Variants in MLPH observed in about 807,000 individuals in gnomAD.
MLPH encodes the protein exophilin-3.
MLPH carries 51 observed loss-of-function variants against 72.1 expected under a neutral mutation model. The ratio of observed to expected loss-of-function variants is 0.71; its 90% CI spans 0.56 to 0.89. The LOEUF (loss-of-function observed/expected upper bound fraction) is 0.89, where lower values mean the gene tolerates loss of function less well. Among genes scored for constraint, MLPH ranks in the 40% least tolerant of loss-of-function variants. The pLI is 0.00. For missense variants in MLPH, 743 were observed against 759.9 expected (o/e 0.98, Z 0.26); for synonymous variants, 301 against 310.1 (o/e 0.97, Z 0.31).
At chr2:237,550,213 C>G (rs991519340) in intron 14 of MLPH, among the ~76,000 whole-genome samples, 17 of 152,162 alleles carry the variant, frequency 1.1e-4, no homozygotes, top group Admixed American at 1.0e-3. Flanking sequence ...TGAAGCCTCT[C>G]CCCCGGGGCT....
chr2:237,546,269 G>A (rs981511788), intron 12 of MLPH: 1 of 382,346 alleles, frequency 2.6e-6, no homozygotes, highest in Non-Finnish European at 5.0e-6. Context: ...TGAGCCTCAG[G>A]GGGATGACTG....
chr2:237,488,841 A>G (rs535364179), intron 1 of MLPH, among the ~76,000 whole-genome samples: 3 of 152,304 alleles, frequency 2.0e-5, no homozygotes, highest in Non-Finnish European at 2.9e-5. Context: ...TTCAACCACA[A>G]TGCAATAACG....
rs776602781 is a variant in MLPH at position 237,511,083 on chromosome 2, G to A, written c.427G>A (p.Gly143Arg). ...GSAKVIRSLH[G>R]RLQGGAGPEL... is the part of the protein sequence containing the mutation. ...TGCCAAGGTCATCCGGTCCCTCCAC[G>A]GGCGGCTGCAGGGTGGAGGTAAGGA... Residue 143 changes from glycine (G) to arginine (R), a missense_variant, in exon 4 of 16, where the codon GGG becomes AGG. Physicochemically the swap from Gly to Arg is moderately radical, Grantham distance 125. Coordinates refer to ENST00000264605, the MANE Select transcript of MLPH (RefSeq NM_024101.7). 3.2e-5 allele frequency: 51 copies of A among 1,613,578 alleles called. No homozygotes were observed. The South Asian group carries it at 4.4e-4, about 14-fold the overall frequency.
intron 9 of MLPH, among the ~76,000 whole-genome samples, chr2:237,536,906 C>T (rs939806161): frequency 6.6e-6 from 1 of 152,308 alleles, no homozygotes; most frequent in East Asian, 1.9e-4. Flanking sequence ...TACCTCCTGG[C>T]TTTGGCCTTT....
Position 237,503,481 on chromosome 2 carries a change from C to G in MLPH, c.111-7093C>G, listed in dbSNP as rs79608392. 2.0e-3 allele frequency among the ~76,000 whole-genome samples: 300 copies of G among 152,276 alleles called. 2 individuals are homozygous for G. Among genetic ancestry groups the G allele is most frequent in the African/African-American group, 6.7e-3 (279 of 41,556 alleles). ...CGACACGCGTTCCCAGGATGAGGAGCCTGGGTCCCCGGTGCTGCTCCTCAG... is the reference window on the plus strand; with the variant it reads ...CGACACGCGTTCCCAGGATGAGGAGGCTGGGTCCCCGGTGCTGCTCCTCAG... On this transcript the variant is annotated intron_variant, in intron 2 of 15. Coordinates refer to ENST00000264605, the MANE Select transcript of MLPH (RefSeq NM_024101.7).
chr2:237,488,217 G>A (rs1213576398), intron 1 of MLPH, among the ~76,000 whole-genome samples: 1 of 152,178 alleles, frequency 6.6e-6, no homozygotes, highest in Non-Finnish European at 1.5e-5. Context: ...CTGAGGGAGT[G>A]AAATGACAGT....
intron 6 of MLPH, among the ~76,000 whole-genome samples, chr2:237,521,659 G>T (rs1210648324): frequency 6.6e-6 from 1 of 152,250 alleles, no homozygotes; most frequent in Non-Finnish European, 1.5e-5. Flanking sequence ...CAGACAGAAT[G>T]TAAAGGTTTG....
chr2:237,528,592 C>T (rs1275958686), intron 8 of MLPH, among the ~76,000 whole-genome samples: 1 of 152,072 alleles, frequency 6.6e-6, no homozygotes, highest in Non-Finnish European at 1.5e-5. Context: ...CTCAGGTGAT[C>T]CCCCCACCTT....
At chr2:237,504,937 C>A (rs1305815345) in intron 2 of MLPH, among the ~76,000 whole-genome samples, 3 of 152,186 alleles carry the variant, frequency 2.0e-5, no homozygotes, top group African/African-American at 7.2e-5. Context: ...TGAGACCCCA[C>A]CCCTTGAGCA....
At chr2:237,551,248 G>C (rs929958969) in intron 14 of MLPH, among the ~76,000 whole-genome samples, 1 of 152,238 alleles carries the variant, frequency 6.6e-6, no homozygotes, top group Non-Finnish European at 1.5e-5. Context: ...GTCCTGGAGC[G>C]GGGACGGAGG....
intron 4 of MLPH, among the ~76,000 whole-genome samples, chr2:237,517,438 G>A (rs548733708): frequency 6.6e-6 from 1 of 151,708 alleles, no homozygotes; most frequent in East Asian, 2.0e-4. Flanking sequence ...TGGATAGGTG[G>A]ATGGATGGAT....
chr2:237,527,639 G>C, intron 8 of MLPH, 123 bp downstream of exon 8: 5 of 1,264,352 alleles, frequency 4.0e-6, no homozygotes, highest in Non-Finnish European at 5.6e-6. Context: ...AATTGCACAA[G>C]CCTACTTAAT....
At chr2:237,507,062 C>CTTTTTTTTTT (rs61091364) in intron 2 of MLPH, among the ~76,000 whole-genome samples, 267 of 94,536 alleles carry the variant, frequency 2.8e-3, no homozygotes, top group Non-Finnish European at 3.6e-3. Context: ...TTTTTTTTTT[C>CTTTTTTTTTT]TTTTTTTTTT....
chr2:237,553,935 G>C lies in MLPH; in HGVS notation c.*343G>C, dbSNP rs1163854758. 2.3e-6 allele frequency: 1 copy of C among 440,884 alleles called. No individual in the cohort carries two copies. Among genetic ancestry groups the C allele is most frequent in the African/African-American group, 2.0e-5 (1 of 50,034 alleles). 27.3% of individuals were successfully genotyped at this position (440,884 alleles called of 1,614,324 possible). A position where few individuals can be genotyped will look rare whatever the true frequency, so the allele number is the denominator to read the frequency against. ...GTGATCTTTTACCCCTTTCACTCTT[G>C]GCTTTCTTATGTTGCTTTCATGAAT... is the stretch of plus-strand genomic sequence containing the variant. On this transcript the variant is annotated 3_prime_UTR_variant, in exon 16 of 16. Transcript: ENST00000264605.
chr2:237,494,180 A>AGG (rs113171314), intron 2 of MLPH, among the ~76,000 whole-genome samples: 11 of 151,612 alleles, frequency 7.3e-5, no homozygotes, highest in African/African-American at 2.7e-4. Flanking sequence ...CTCCCGGCGA[A>AGG]GGGGGGGGCA....
Position 237,541,497 on chromosome 2 carries a change from T to C in MLPH, c.1446+540T>C, listed in dbSNP as rs181362084. ...CTACAGAGAGGAGAGGGGGTGCCTC[T>C]CGGACTGTGAGGACAGCCAGCCCCC... is the stretch of plus-strand genomic sequence containing the variant. On this transcript the variant is annotated intron_variant, in intron 11 of 15. Transcript: ENST00000264605. The surrounding 1 kb of genome is among the most constrained non-coding windows in gnomAD (Gnocchi z 5.1). Among the ~76,000 whole-genome samples, 12 of 152,314 alleles carry C rather than the reference T, an allele frequency of 7.9e-5. No homozygotes were observed. The highest frequency in any genetic ancestry group is 1.5e-4 in the Non-Finnish European group (10 of 68,026).
intron 14 of MLPH, among the ~76,000 whole-genome samples, chr2:237,551,376 G>T (rs1364999289): frequency 3.3e-5 from 5 of 152,250 alleles, no homozygotes; most frequent in Non-Finnish European, 7.3e-5. Context: ...CATGTGCCAG[G>T]TTCTGTGGCG....
intron 12 of MLPH, chr2:237,545,749 T>A (rs2080905135): frequency 1.1e-6 from 1 of 917,178 alleles, no homozygotes; most frequent in Non-Finnish European, 1.4e-6. Context: ...CTTAGGAGAG[T>A]CCCAGATAGG....
chr2:237,518,708 G>A (rs529269306), intron 5 of MLPH, 60 bp downstream of exon 5: 78 of 1,339,582 alleles, frequency 5.8e-5, no homozygotes, highest in East Asian at 9.5e-5. Context: ...CAGCTGGGAC[G>A]TCAGGTTCTG....
Sources: allele counts gnomAD v4.1 joint callset (sites outside exome capture counted in the v4.1 genomes callset), GRCh38; gene constraint gnomAD v4.1.1; non-coding constraint Gnocchi (gnomAD v3.1); transcripts MANE v1.5; gene names NCBI Gene and HGNC (gene_info 2026-07-23, HGNC 2026-07-21).